EPG5: variants seen among roughly 807,000 people sequenced by gnomAD.
The protein encoded by EPG5 is ectopic P granules protein 5 homolog.
A neutral mutation model predicts 302.7 loss-of-function variants in EPG5; 159 were observed. The ratio of observed to expected loss-of-function variants is 0.53; its 90% CI spans 0.46 to 0.60. The LOEUF (loss-of-function observed/expected upper bound fraction) is 0.60. Among genes scored for constraint, EPG5 ranks in the 20% least tolerant of loss-of-function variants. The pLI is 0.00. For missense variants in EPG5, 2,896 were observed against 3,092.4 expected, an observed-to-expected ratio of 0.94 and a Z score of 1.51; for synonymous variants, 1,158 against 1,136.8, an observed-to-expected ratio of 1.02 and a Z score of -0.37.
In EPG5 at chr18:45,910,625, G is replaced by A. The variant is rs1568145322; in HGVS notation, c.4101C>T (p.Ser1367=). Reference sequence around the variant, plus strand: ...CCTCTGCTGGAACACGGAGGGCCTTGCTTGCAGCATGGTGGAAGTCAGCCA... The same window carrying A: ...CCTCTGCTGGAACACGGAGGGCCTTACTTGCAGCATGGTGGAAGTCAGCCA... ...TEVADFHHAA[S]KALRVPAEGS... The change falls in exon 23 of 44, where the codon AGC becomes AGT. Residue 1367 remains serine (S), a synonymous_variant. Coordinates refer to ENST00000282041, the MANE Select transcript of EPG5 (RefSeq NM_020964.3). 6 of 1,614,048 alleles carry A rather than the reference G, an allele frequency of 3.7e-6. No individual in the cohort carries two copies. The highest frequency in any genetic ancestry group is 3.3e-5 in the Admixed American group (2 of 60,006).
At chr18:45,925,301 GTC>G (rs1460783615) in intron 14 of EPG5, among the ~76,000 whole-genome samples, 1 of 152,064 alleles carries the variant, frequency 6.6e-6, no homozygotes, top group Non-Finnish European at 1.5e-5. Flanking sequence ...GCAAAACCCT[GTC>G]TCTACTAAAA....
intron 25 of EPG5, among the ~76,000 whole-genome samples, chr18:45,903,396 T>C (rs973773400): frequency 1.3e-5 from 2 of 152,164 alleles, no homozygotes; most frequent in African/African-American, 4.8e-5. Context: ...TCTCTCTTCA[T>C]ACAACTAACG....
chr18:45,909,150 C>T (rs778278002), intron 23 of EPG5, among the ~76,000 whole-genome samples: 43 of 152,276 alleles, frequency 2.8e-4, no homozygotes, highest in Admixed American at 7.8e-4. Flanking sequence ...ACCTCTGCAA[C>T]AGCCAGTCCA....
At chr18:45,949,299 A>T (rs969060322) in intron 5 of EPG5, among the ~76,000 whole-genome samples, 185 bp downstream of exon 5, 1 of 152,210 alleles carries the variant, frequency 6.6e-6, no homozygotes, top group Non-Finnish European at 1.5e-5. Context: ...ACTATCAATT[A>T]TGGGTAGCCC....
intron 13 of EPG5, among the ~76,000 whole-genome samples, chr18:45,927,023 T>C (rs548771387): frequency 1.2e-3 from 177 of 150,486 alleles, no homozygotes; most frequent in African/African-American, 4.2e-3. Flanking sequence ...TAGCATACAA[T>C]GTTTTTCTTT....
chr18:45,872,193 C>T (rs547161528), intron 35 of EPG5, among the ~76,000 whole-genome samples: 4 of 152,194 alleles, frequency 2.6e-5, no homozygotes, highest in South Asian at 4.1e-4. Context: ...ATAAATCTCA[C>T]GCTTTTCTGA....
chr18:45,818,718 G>T, the EPG5 span, among the ~76,000 whole-genome samples: 59 of 135,740 alleles, frequency 4.3e-4, no homozygotes, highest in Admixed American at 2.6e-3. Flanking sequence ...TTTAATTGGG[G>T]TTTTTTTGCA....
intron 40 of EPG5, among the ~76,000 whole-genome samples, chr18:45,859,416 T>C (rs1219064691): frequency 6.6e-6 from 1 of 152,210 alleles, no homozygotes; most frequent in Non-Finnish European, 1.5e-5. Flanking sequence ...ACAGGGCAGA[T>C]GGCAGGTTGT....
rs368073547 is a variant in EPG5 at position 45,944,057 on chromosome 18, T to C, written c.1740A>G (p.Ala580=). 1 of 1,613,984 alleles carries C rather than the reference T, an allele frequency of 6.2e-7. No homozygotes were observed. The highest frequency in any genetic ancestry group is 1.3e-5 in the African/African-American group (1 of 74,934). Residue 580 remains alanine (A), a synonymous_variant, in exon 8 of 44, where the codon GCA becomes GCG. Coordinates refer to ENST00000282041, the MANE Select transcript of EPG5 (RefSeq NM_020964.3). The part of the protein sequence containing the change: ...LNEDDLVTIL[A]QFPFHELFQH... ...GAAAGAGTTCATGAAAGGGGAACTG[T>C]GCTAAAATGGTAACCAAATCATCTT...
At chr18:45,837,495 A>G in the EPG5 span, 1 of 1,467,614 alleles carries the variant, frequency 6.8e-7, no homozygotes, top group Admixed American at 2.6e-5. Context: ...AGCCTGACGC[A>G]GCCCGCCCCG....
intron 13 of EPG5, among the ~76,000 whole-genome samples, chr18:45,927,652 AC>A (rs1477710751): frequency 6.6e-6 from 1 of 151,296 alleles, no homozygotes; most frequent in East Asian, 1.9e-4. Flanking sequence ...GAATTATTAT[AC>A]AGGCTTAAAA....
At chr18:45,878,787 G>C (rs1254777439) in intron 33 of EPG5, among the ~76,000 whole-genome samples, 2 of 152,174 alleles carry the variant, frequency 1.3e-5, no homozygotes. Context: ...AACCTGCAAA[G>C]GAGGGGCAGA....
rs544807956 is a variant in EPG5, at chr18:45,857,401, G to A, written c.7442+452C>T. ...GCTGGGATTACAAGTGTGAGCCACC[G>A]CGCCTGGCCACCAACAGATCTTAAC... On this transcript the variant is annotated intron_variant, in intron 42 of 43. Coordinates refer to ENST00000282041, the MANE Select transcript of EPG5 (RefSeq NM_020964.3). Among the ~76,000 whole-genome samples, 19 of 152,224 alleles carry A rather than the reference G, an allele frequency of 1.2e-4. No individual in the cohort carries two copies. In the South Asian group the frequency reaches 1.7e-3, roughly 13 times the overall value.
At chr18:45,825,589 C>T in the EPG5 span, 8 of 798,914 alleles carry the variant, frequency 1.0e-5, no homozygotes, top group South Asian at 8.2e-5. Context: ...CTCCGGCTCC[C>T]GCAGAGCCCA....
intron 4 of EPG5, 62 bp downstream of exon 4, chr18:45,951,040 A>T: frequency 1.5e-6 from 2 of 1,321,090 alleles, no homozygotes; most frequent in Non-Finnish European, 2.0e-6. Context: ...GATATAACAG[A>T]TAATTCCTAA....
intron 14 of EPG5, among the ~76,000 whole-genome samples, chr18:45,924,509 A>G (rs1211251524): frequency 6.6e-6 from 1 of 152,188 alleles, no homozygotes; most frequent in African/African-American, 2.4e-5. Context: ...TCAGAACAAA[A>G]CCTGTCAGAC....
At chr18:45,925,154 C>T (rs2145778304) in intron 14 of EPG5, among the ~76,000 whole-genome samples, 1 of 152,226 alleles carries the variant, frequency 6.6e-6, no homozygotes, top group East Asian at 1.9e-4. Context: ...TTAGGAGAAA[C>T]TAAAGTAACT....
At chr18:45,808,182 GA>G in the EPG5 span, among the ~76,000 whole-genome samples, 1 of 152,042 alleles carries the variant, frequency 6.6e-6, no homozygotes, top group Non-Finnish European at 1.5e-5. Flanking sequence ...CAAAGACAAA[GA>G]AAAAAGATAA....
At chr18:45,858,142 C>A (rs987877153) in intron 41 of EPG5, 74 bp from the exon 42 acceptor site, 6 of 1,125,140 alleles carry the variant, frequency 5.3e-6, no homozygotes, top group South Asian at 4.2e-5. Flanking sequence ...AAGTCCACAT[C>A]AGAGTTTGAA....
Sources: gnomAD v4.1 joint callset for allele counts (sites outside exome capture counted in the v4.1 genomes callset) on GRCh38, gnomAD v4.1.1 for gene constraint, MANE v1.5 for transcripts, NCBI Gene and HGNC (gene_info 2026-07-23, HGNC 2026-07-21) for gene names.